The following GPC1 variants were observed in gnomAD, a reference collection of about 807,000 sequenced individuals.
The protein encoded by GPC1 is glypican-1.
A neutral mutation model predicts 51.5 loss-of-function variants in GPC1; 26 were observed. The observed-to-expected ratio is 0.50, with a 90% CI of 0.37 to 0.70. The LOEUF is 0.70. Ranked by LOEUF, GPC1 falls within the 30% of genes least tolerant of loss-of-function variation. The probability of loss-of-function intolerance (pLI) is 0.00; values close to 1 mark genes in which losing one functional copy is unlikely to be tolerated. For missense variants in GPC1, 775 were observed against 800.5 expected (o/e 0.97, Z 0.38); for synonymous variants, 380 against 348.3 (o/e 1.09, Z -1.01).
At chr2:240,465,392 C>A in intron 7 of GPC1, 81 bp from the exon 8 acceptor site, 1 of 1,428,460 alleles carries the variant, frequency 7.0e-7, no homozygotes, top group Non-Finnish European at 9.7e-7. Flanking sequence ...AGGCTCAGAG[C>A]GTGGGAGAGT....
At chr2:240,445,755 G>A (rs553932895) in intron 1 of GPC1, among the ~76,000 whole-genome samples, 4 of 152,146 alleles carry the variant, frequency 2.6e-5, no homozygotes, top group South Asian at 2.1e-4. Context: ...ATGGTGTTCC[G>A]GGACCTGGGG....
At chr2:240,463,898 C>T in intron 4 of GPC1, 1 of 276,474 alleles carries the variant, frequency 3.6e-6, no homozygotes, top group Non-Finnish European at 6.9e-6. Context: ...TGCTCACTTG[C>T]TGACACACAG....
intron 3 of GPC1, 38 bp from the exon 4 acceptor site, chr2:240,463,309 G>A (rs775232644): frequency 6.3e-7 from 1 of 1,597,046 alleles, no homozygotes; most frequent in South Asian, 1.1e-5. Context: ...GGCACCCCCA[G>A]GGCCTCGGGG....
chr2:240,464,420 G>A (rs1301280825), intron 4 of GPC1, 196 bp from the exon 5 acceptor site: 2 of 630,352 alleles, frequency 3.2e-6, no homozygotes, highest in Non-Finnish European at 5.7e-6. Context: ...TGCACACGTG[G>A]GTGTGGGCCA....
intron 5 of GPC1, 42 bp downstream of exon 5, chr2:240,464,788 C>G (rs1250503219): frequency 1.9e-6 from 3 of 1,579,302 alleles, no homozygotes; most frequent in African/African-American, 2.7e-5. Context: ...GGGTGGGGGT[C>G]CTGGATGTGG....
chr2:240,441,701 T>TCCC (rs1280887905), intron 1 of GPC1, among the ~76,000 whole-genome samples: 6 of 152,284 alleles, frequency 3.9e-5, no homozygotes, highest in African/African-American at 1.4e-4. Context: ...CTTTTCTTTG[T>TCCC]CTGGGAACAG....
rs1179169854 is a variant in GPC1, at chr2:240,467,491, G to A, written c.*1201G>A. 1.3e-5 allele frequency: 2 copies of A among 152,254 alleles called. No homozygotes were observed. Among genetic ancestry groups the A allele is most frequent in the African/African-American group, 2.4e-5 (1 of 41,464 alleles). The allele number at this position is 152,254 out of a possible 1,614,324, so 9.4% of individuals were successfully genotyped here. On this transcript the variant is annotated 3_prime_UTR_variant, in exon 9 of 9. Transcript: ENST00000264039. ...CTCCTGTCACTCACTGAGGCCATCA[G>A]GGCCCTGCCCCAGGCCTGGACGGGC...
intron 1 of GPC1, chr2:240,450,664 G>A (rs1165923747): frequency 2.1e-6 from 1 of 470,582 alleles, no homozygotes; most frequent in Non-Finnish European, 4.4e-6. Context: ...TGCTTCCTCT[G>A]GGGAGGAGGT....
At chr2:240,440,899 G>A (rs1574755458) in intron 1 of GPC1, among the ~76,000 whole-genome samples, 1 of 152,234 alleles carries the variant, frequency 6.6e-6, no homozygotes, top group South Asian at 2.1e-4. Flanking sequence ...CCTGTGGGGG[G>A]CAGGACTGCT....
At chr2:240,450,641 C>G (rs1281641819) in intron 1 of GPC1, 1 of 470,720 alleles carries the variant, frequency 2.1e-6, no homozygotes, top group Admixed American at 2.3e-5. Context: ...GGGGCGTGCC[C>G]CGTCGAGCCC....
intron 1 of GPC1, 149 bp downstream of exon 1, chr2:240,436,233 G>A (rs1449564489): frequency 8.8e-6 from 4 of 454,086 alleles, no homozygotes; most frequent in Non-Finnish European, 1.4e-5. Context: ...CTGCGCTGCG[G>A]CTCCTCTGCA....
Position 240,465,473 on chromosome 2 carries a change from G to A in GPC1, c.1269G>A (p.Arg423=), listed in dbSNP as rs1233115842. The A allele has an allele frequency of 6.2e-7, 1 of 1,612,842 alleles. No homozygotes were observed. Among genetic ancestry groups the A allele is most frequent in the Admixed American group, 1.7e-5 (1 of 60,010 alleles). Residue 423 remains arginine (R), a splice_region_variant and synonymous_variant, in exon 8 of 9, where the codon CGG becomes CGA. Transcript: ENST00000264039. ...TGGGCTCTGCCTGCCTTTCCCCCAGGTACCTCCCCGAGGTCATGGGTGACG... is the reference window on the plus strand; with the variant it reads ...TGGGCTCTGCCTGCCTTTCCCCCAGATACCTCCCCGAGGTCATGGGTGACG... ...DRCWNGMARG[R]YLPEVMGDGL...
chr2:240,465,342 T>C (rs1393117433), intron 7 of GPC1, 131 bp from the exon 8 acceptor site: 8 of 1,321,008 alleles, frequency 6.1e-6, no homozygotes, highest in East Asian at 4.9e-5. Context: ...CTGCGGCCTG[T>C]GTGGGCTCTG....
intron 1 of GPC1, chr2:240,452,984 C>T: frequency 2.8e-6 from 1 of 353,716 alleles, no homozygotes; most frequent in Non-Finnish European, 5.6e-6. Context: ...CCAGAGCCCG[C>T]GCGCCGCCCG....
intron 1 of GPC1, among the ~76,000 whole-genome samples, chr2:240,441,178 T>C (rs2074014444): frequency 6.6e-6 from 1 of 152,248 alleles, no homozygotes; most frequent in Admixed American, 6.5e-5. Context: ...GGGGCATACC[T>C]ACCTGGTGGC....
chr2:240,447,212 T>G (rs987545829), intron 1 of GPC1, among the ~76,000 whole-genome samples: 4 of 152,024 alleles, frequency 2.6e-5, no homozygotes, highest in Non-Finnish European at 5.9e-5. Context: ...TGAGTCGAAA[T>G]TGAGGTGTCG....
chr2:240,463,337 T>C lies in GPC1; in HGVS notation c.718-10T>C. On this transcript the variant is annotated splice_polypyrimidine_tract_variant and intron_variant, in intron 3 of 8. Coordinates refer to ENST00000264039, the MANE Select transcript of GPC1 (RefSeq NM_002081.3). ...CCTCGGGGCCTGGCTTAGGGTCCCT[T>C]GCTCCCCAGGTCCCCCTGGGCCCGG... 2 of 1,611,906 alleles carry C rather than the reference T, an allele frequency of 1.2e-6. No homozygotes were observed. The highest frequency in any genetic ancestry group is 2.2e-5 in the East Asian group (1 of 44,826).
chr2:240,453,125 C>T, intron 1 of GPC1: 1 of 270,152 alleles, frequency 3.7e-6, no homozygotes. Context: ...TCCACCCGCT[C>T]CTCGTCCCCA....
chr2:240,452,642 G>T (rs2151790608), intron 1 of GPC1, among the ~76,000 whole-genome samples: 1 of 152,072 alleles, frequency 6.6e-6, no homozygotes, highest in South Asian at 2.1e-4. Flanking sequence ...GAGGGGCCCG[G>T]CCTCGGCGGC....
Sources: allele counts gnomAD v4.1 joint callset (sites outside exome capture counted in the v4.1 genomes callset), GRCh38; gene constraint gnomAD v4.1.1; transcripts MANE v1.5; gene names NCBI Gene and HGNC (gene_info 2026-07-23, HGNC 2026-07-21).